RARB: variants seen among roughly 807,000 people sequenced by gnomAD.
The protein encoded by RARB is HBV-activated protein.
RARB carries 17 observed loss-of-function variants against 51.9 expected under a neutral mutation model. The ratio of observed to expected loss-of-function variants is 0.33; its 90% CI spans 0.22 to 0.49. The LOEUF is 0.49. RARB is among the 20% of genes least tolerant of loss of function. The pLI, the probability that RARB is intolerant of heterozygous loss-of-function variation, is 0.99. For missense variants in RARB, 369 were observed against 550.8 expected (o/e 0.67, Z 3.30); for synonymous variants, 215 against 195.4 (o/e 1.10, Z -0.84).
intron 5 of RARB, among the ~76,000 whole-genome samples, chr3:25,256,241 C>T (rs1256665117): frequency 2.0e-5 from 3 of 152,128 alleles, no homozygotes; most frequent in Non-Finnish European, 4.4e-5. Context: ...AAAGATACGG[C>T]CCCTTCCTGC....
chr3:25,015,089 T>G (rs993565954), intron 2 of RARB, among the ~76,000 whole-genome samples: 1 of 152,186 alleles, frequency 6.6e-6, no homozygotes, highest in African/African-American at 2.4e-5. Flanking sequence ...CTGAAAAATC[T>G]GGCTTTGAGT....
Position 25,510,595 on chromosome 3 carries a change from C to G in RARB, c.448+9272C>G, listed in dbSNP as rs144294915. 2.5e-3 allele frequency among the ~76,000 whole-genome samples: 380 copies of G among 152,152 alleles called. 2 individuals are homozygous for G. Among genetic ancestry groups the G allele is most frequent in the African/African-American group, 8.9e-3 (368 of 41,512 alleles). ...GGGCCAAGATCGAGCCACTGCACTC[C>G]AGCCTGGGCAACACAGCAAGACCCT... On this transcript the variant is annotated intron_variant, in intron 3 of 7. Transcript: ENST00000330688.
intron 1 of RARB, among the ~76,000 whole-genome samples, chr3:24,847,067 T>G (rs776170402): frequency 1.3e-5 from 2 of 152,296 alleles, no homozygotes; most frequent in Middle Eastern, 3.4e-3. Flanking sequence ...TCAACAGGTC[T>G]GGGATGGTGC....
intron 1 of RARB, among the ~76,000 whole-genome samples, chr3:25,438,015 G>A (rs769542925): frequency 1.8e-4 from 27 of 152,178 alleles, no homozygotes; most frequent in Non-Finnish European, 1.3e-4. Flanking sequence ...GCTGGGCTCC[G>A]CTGGGCAGAC....
chr3:24,956,868 G>C (rs75893046), intron 2 of RARB, among the ~76,000 whole-genome samples: 1 of 152,210 alleles, frequency 6.6e-6, no homozygotes, highest in Admixed American at 6.5e-5. Flanking sequence ...TTCTATGCCT[G>C]TAAGGGAACG....
intron 2 of RARB, among the ~76,000 whole-genome samples, chr3:25,024,305 T>A (rs1697698457): frequency 6.6e-6 from 1 of 152,236 alleles, no homozygotes; most frequent in East Asian, 1.9e-4. Context: ...TACCATTATT[T>A]ATTGACTGTT....
At position 25,365,199 on chromosome 3, in the gene RARB, C is replaced by CTT. The variant is rs3035063; in HGVS notation, c.179-95968_179-95967dup. ...TAAGCCAACCATGTTTTCTTTCTTT[C>CTT]TTTTTTTTTTTTTTTTTTTTTTTTT... is the stretch of plus-strand genomic sequence containing the variant. On this transcript the variant is annotated intron_variant, in intron 5 of 11. Transcript: ENST00000383772. 1.7e-3 allele frequency among the ~76,000 whole-genome samples: 128 copies of CTT among 75,434 alleles called. 1 individual carries two copies. The highest frequency in any genetic ancestry group is 3.5e-3 in the African/African-American group (73 of 20,950). The allele number at this position is 75,434 out of a possible 152,430, so 49.5% of individuals were successfully genotyped here.
At chr3:25,289,041 G>A (rs765299994) in intron 5 of RARB, among the ~76,000 whole-genome samples, 16 of 152,198 alleles carry the variant, frequency 1.1e-4, no homozygotes, top group Non-Finnish European at 1.9e-4. Flanking sequence ...CTGAGGCAAC[G>A]CTTCATAATG....
chr3:25,550,345 A>G (rs1426450813), intron 3 of RARB, among the ~76,000 whole-genome samples: 1 of 152,138 alleles, frequency 6.6e-6, no homozygotes, highest in Admixed American at 6.5e-5. Flanking sequence ...GGTGGCTTAT[A>G]AATAACAGAA....
rs1423788569 is a variant in RARB at position 25,298,982 on chromosome 3, G to T, written c.178+124407G>T. On this transcript the variant is annotated intron_variant, in intron 5 of 11. Coordinates refer to the RARB transcript ENST00000383772. ...CTAACGTGCATTCCACATCTAAGGG[G>T]TCACTGTTCACATCACAGATATCAT... 2.0e-5 allele frequency among the ~76,000 whole-genome samples: 3 copies of T among 152,142 alleles called. No individual in the cohort carries two copies. In the South Asian group the frequency reaches 6.2e-4, roughly 31 times the overall value.
intron 4 of RARB, among the ~76,000 whole-genome samples, chr3:25,158,588 A>G (rs1700415476): frequency 6.6e-6 from 1 of 152,232 alleles, no homozygotes; most frequent in Non-Finnish European, 1.5e-5. Flanking sequence ...TAATTTCAGA[A>G]GAAAGTCTAG....
At chr3:25,066,493 C>T (rs899068649) in intron 3 of RARB, among the ~76,000 whole-genome samples, 1 of 152,088 alleles carries the variant, frequency 6.6e-6, no homozygotes, top group African/African-American at 2.4e-5. Flanking sequence ...ATGGGCAAAT[C>T]CAGGAGTTTC....
intron 2 of RARB, among the ~76,000 whole-genome samples, chr3:24,996,113 T>C (rs1199148388): frequency 6.6e-6 from 1 of 152,138 alleles, no homozygotes; most frequent in Non-Finnish European, 1.5e-5. Context: ...TGGAAGACTT[T>C]TTATTACTGA....
intron 2 of RARB, among the ~76,000 whole-genome samples, chr3:24,979,387 T>C (rs1182351992): frequency 6.6e-6 from 1 of 152,136 alleles, no homozygotes; most frequent in Non-Finnish European, 1.5e-5. Flanking sequence ...TCTTTATAGG[T>C]CTCTAAGGAC....
At chr3:25,264,638 T>C (rs1471514807) in intron 5 of RARB, among the ~76,000 whole-genome samples, 1 of 152,238 alleles carries the variant, frequency 6.6e-6, no homozygotes, top group East Asian at 1.9e-4. Flanking sequence ...TTTATAAAGT[T>C]TAAACAATAT....
At chr3:25,118,981 C>A (rs1215866435) in intron 3 of RARB, among the ~76,000 whole-genome samples, 4 of 152,006 alleles carry the variant, frequency 2.6e-5, no homozygotes, top group African/African-American at 9.7e-5. Flanking sequence ...CAGCTTTGAC[C>A]AATGTCATTC....
intron 2 of RARB, among the ~76,000 whole-genome samples, chr3:24,912,282 T>A (rs974271022): frequency 1.4e-4 from 22 of 152,180 alleles, no homozygotes; most frequent in African/African-American, 5.3e-4. Flanking sequence ...CTATCTGATC[T>A]CGGGTAAGTT....
intron 5 of RARB, among the ~76,000 whole-genome samples, chr3:25,197,400 C>A (rs914499609): frequency 1.3e-5 from 2 of 151,970 alleles, no homozygotes; most frequent in African/African-American, 2.4e-5. Flanking sequence ...ATTTCTGAGG[C>A]CTCTGTTCTG....
chr3:24,995,283 C>T (rs1193196519), intron 2 of RARB, among the ~76,000 whole-genome samples: 3 of 149,680 alleles, frequency 2.0e-5, no homozygotes, highest in Non-Finnish European at 4.5e-5. Context: ...GTCTTTTTTT[C>T]AGCTAGTTTA....
Sources: gnomAD v4.1 joint callset for allele counts (sites outside exome capture counted in the v4.1 genomes callset) on GRCh38, gnomAD v4.1.1 for gene constraint, MANE v1.5 for transcripts, NCBI Gene and HGNC (gene_info 2026-07-23, HGNC 2026-07-21) for gene names.